The following CHODL variants were observed in gnomAD, a reference collection of about 807,000 sequenced individuals.
CHODL encodes the protein transmembrane protein MT75.
In CHODL, 29 loss-of-function variants were observed where a neutral mutation model predicts 34.5. The observed-to-expected ratio is 0.84, with a 90% CI of 0.63 to 1.15. The LOEUF is 1.15. Ranked by LOEUF, CHODL falls within the 50% of genes most tolerant of loss-of-function variation. The pLI is 0.00. For synonymous variants in CHODL, 125 were observed against 116.1 expected, an observed-to-expected ratio of 1.08 and a Z score of -0.49; for missense variants, 332 against 332.5, an observed-to-expected ratio of 1.00 and a Z score of 0.01.
In CHODL at chr21:18,187,562, A is replaced by G. The variant is rs556154025; in HGVS notation, c.-44-68947A>G. ...TCTTCCATCCACTTAGACCTCTTAC[A>G]TGGTTCCTTCTTTAATAATAGCTCT... On this transcript the variant is annotated intron_variant, in intron 2 of 6. Coordinates refer to the CHODL transcript ENST00000400127. Among the ~76,000 whole-genome samples, 4 of 152,064 alleles carry G rather than the reference A, an allele frequency of 2.6e-5. No homozygotes were observed. In the South Asian group the frequency reaches 6.2e-4, roughly 24 times the overall value.
At chr21:18,211,938 G>C (rs978430325) in intron 2 of CHODL, among the ~76,000 whole-genome samples, 1 of 152,030 alleles carries the variant, frequency 6.6e-6, no homozygotes, top group Non-Finnish European at 1.5e-5. Context: ...ATTAAGAGTG[G>C]TAGTGAAATT....
At chr21:18,141,828 G>T (rs557009532) in intron 2 of CHODL, among the ~76,000 whole-genome samples, 1 of 152,012 alleles carries the variant, frequency 6.6e-6, no homozygotes, top group Admixed American at 6.6e-5. Flanking sequence ...CTGAAGGTAA[G>T]AATCAGGAAG....
At chr21:18,096,861 C>G (rs536709929) in intron 2 of CHODL, among the ~76,000 whole-genome samples, 3 of 152,268 alleles carry the variant, frequency 2.0e-5, no homozygotes. Flanking sequence ...TAAAAACTCA[C>G]TGGTTTTGCA....
rs946165255 is a variant in CHODL at position 18,232,969 on chromosome 21, A to G, written c.-44-23540A>G. 3.6e-5 allele frequency among the ~76,000 whole-genome samples: 5 copies of G among 138,946 alleles called. No individual in the cohort carries two copies. The East Asian group carries it at 7.9e-4, about 22-fold the overall frequency. The allele number at this position is 138,946 out of a possible 152,430, so 91.2% of individuals were successfully genotyped here. On this transcript the variant is annotated intron_variant, in intron 2 of 6. Coordinates refer to the CHODL transcript ENST00000400127. ...TATATATATATATATATATATATAT[A>G]TATGTATATATATGACCTATCTATC... is the stretch of plus-strand genomic sequence containing the variant.
At chr21:18,047,104 C>T (rs1315746353) in intron 2 of CHODL, among the ~76,000 whole-genome samples, 1 of 151,946 alleles carries the variant, frequency 6.6e-6, no homozygotes, top group Non-Finnish European at 1.5e-5. Flanking sequence ...AACTTTTTGT[C>T]CAAACTCTAC....
intron 2 of CHODL, among the ~76,000 whole-genome samples, chr21:18,163,983 T>C (rs2073125982): frequency 1.3e-5 from 2 of 152,234 alleles, no homozygotes; most frequent in Non-Finnish European, 2.9e-5. Flanking sequence ...ATTAAAGGCT[T>C]ACAAAAGGAG....
chr21:18,127,500 T>A (rs886487373), intron 2 of CHODL, among the ~76,000 whole-genome samples: 5 of 151,990 alleles, frequency 3.3e-5, no homozygotes, highest in Admixed American at 6.6e-5. Context: ...GAAACCAGCT[T>A]GAATATGCTC....
intron 2 of CHODL, among the ~76,000 whole-genome samples, chr21:18,092,079 A>G (rs1040371563): frequency 3.3e-5 from 5 of 152,196 alleles, no homozygotes; most frequent in Non-Finnish European, 7.3e-5. Flanking sequence ...TGCTGGTTTC[A>G]GGTCTAAGCC....
chr21:18,051,522 G>A (rs981074225), intron 2 of CHODL, among the ~76,000 whole-genome samples: 3 of 151,550 alleles, frequency 2.0e-5, no homozygotes, highest in Admixed American at 2.0e-4. Flanking sequence ...GTAAAGGCAG[G>A]TTAAGGGGGC....
At chr21:17,961,490 G>A (rs2063532061) in intron 1 of CHODL, among the ~76,000 whole-genome samples, 2 of 152,208 alleles carry the variant, frequency 1.3e-5, no homozygotes, top group Admixed American at 1.3e-4. Flanking sequence ...GGCATCCAGG[G>A]AAAATGTTGT....
At chr21:17,961,341 T>G (rs965182637) in intron 1 of CHODL, among the ~76,000 whole-genome samples, 1 of 152,200 alleles carries the variant, frequency 6.6e-6, no homozygotes, top group African/African-American at 2.4e-5. Context: ...AGTGAGCATC[T>G]TGTTGTCAAT....
intron 2 of CHODL, among the ~76,000 whole-genome samples, chr21:18,136,421 T>C (rs530116099): frequency 1.1e-4 from 16 of 152,228 alleles, no homozygotes; most frequent in African/African-American, 3.6e-4. Context: ...TTTGACTGTT[T>C]CTATTCCCTT....
intron 1 of CHODL, among the ~76,000 whole-genome samples, chr21:17,963,509 A>T (rs2146354336): frequency 6.6e-6 from 1 of 152,294 alleles, no homozygotes; most frequent in South Asian, 2.1e-4. Context: ...AAGATAGCAT[A>T]TGCAGGGGAA....
At chr21:17,923,140 G>C (rs2063195513) in intron 1 of CHODL, among the ~76,000 whole-genome samples, 2 of 152,284 alleles carry the variant, frequency 1.3e-5, no homozygotes, top group East Asian at 3.9e-4. Context: ...GCTTTGAATA[G>C]AATGGGAGGC....
chr21:18,255,172 C>T (rs911188242), intron 1 of CHODL, among the ~76,000 whole-genome samples: 1 of 151,950 alleles, frequency 6.6e-6, no homozygotes, highest in African/African-American at 2.4e-5. Flanking sequence ...CTTCCAAATT[C>T]AGAGTATTCT....
At chr21:18,242,436 AAAAAG>A (rs879649372), upstream of CHODL, among the ~76,000 whole-genome samples, 1 of 151,532 alleles carries the variant, frequency 6.6e-6, no homozygotes, top group Non-Finnish European at 1.5e-5. Context: ...GTATGGGAAA[AAAAAG>A]GAAGCCAAGA....
chr21:18,080,565 C>T (rs1013829455), intron 2 of CHODL, among the ~76,000 whole-genome samples: 5 of 152,000 alleles, frequency 3.3e-5, no homozygotes, highest in South Asian at 2.1e-4. Flanking sequence ...CCAACTTTCC[C>T]GGCATCATTT....
intron 1 of CHODL, among the ~76,000 whole-genome samples, chr21:17,918,338 A>G (rs558199351): frequency 6.6e-6 from 1 of 151,378 alleles, no homozygotes; most frequent in African/African-American, 2.4e-5. Context: ...TGATAAAGAC[A>G]TGTGTGAGAC....
At chr21:18,120,961 C>T (rs989564455) in intron 2 of CHODL, among the ~76,000 whole-genome samples, 1 of 151,946 alleles carries the variant, frequency 6.6e-6, no homozygotes, top group Non-Finnish European at 1.5e-5. Flanking sequence ...ACTTTTCTTT[C>T]AGTTACCTCT....
Sources: allele counts gnomAD v4.1 joint callset (sites outside exome capture counted in the v4.1 genomes callset), GRCh38; gene constraint gnomAD v4.1.1; transcripts MANE v1.5; gene names NCBI Gene and HGNC (gene_info 2026-07-23, HGNC 2026-07-21).